The following CPN1 variants were observed in gnomAD, a reference collection of about 807,000 sequenced individuals.
CPN1 encodes the protein carboxypeptidase N catalytic chain.
Under a neutral mutation model 46.4 loss-of-function variants are expected in CPN1, and 37 were observed. The ratio of observed to expected loss-of-function variants is 0.80; its 90% CI spans 0.61 to 1.05. CPN1 has a LOEUF of 1.05. Among genes scored for constraint, CPN1 ranks in the 50% least tolerant of loss-of-function variants. CPN1 has a pLI of 0.00. For missense variants in CPN1, 563 were observed against 602.6 expected (o/e 0.93, Z 0.69); for synonymous variants, 224 against 235.4 (o/e 0.95, Z 0.44).
At chr10:100,042,668 T>C (rs2041282962) in intron 8 of CPN1, 95 bp from the exon 9 acceptor site, 10 of 1,497,994 alleles carry the variant, frequency 6.7e-6, no homozygotes, top group African/African-American at 4.1e-5. Context: ...AAAATTATTA[T>C]AGCAGTGACC....
intron 5 of CPN1, 58 bp downstream of exon 5, chr10:100,063,556 G>C (rs976411137): frequency 1.6e-6 from 2 of 1,280,730 alleles, no homozygotes; most frequent in African/African-American, 2.9e-5. Context: ...TGGGAATTTA[G>C]AAGGAGAAAT....
chr10:100,078,880 C>A (rs760575919), intron 1 of CPN1, among the ~76,000 whole-genome samples: 4 of 152,228 alleles, frequency 2.6e-5, no homozygotes, highest in Non-Finnish European at 5.9e-5. Context: ...GTGTCCCCAT[C>A]ACATGGCTGT....
chr10:100,080,473 C>T (rs1296872084), intron 1 of CPN1, among the ~76,000 whole-genome samples: 1 of 152,150 alleles, frequency 6.6e-6, no homozygotes, highest in Admixed American at 6.5e-5. Context: ...AGAAAAAAGT[C>T]TGGAAGGATA....
chr10:100,054,462 T>C lies in CPN1; in HGVS notation c.1012-16A>G, dbSNP rs1394660096. On this transcript the variant is annotated splice_polypyrimidine_tract_variant and intron_variant, in intron 6 of 8. Transcript: ENST00000370418. ...CCTGGTGAACCTGCAGGAACAAGTA[T>C]ATAGTTATGATCATAAAACATTTGT... The C allele has an allele frequency of 6.3e-7, 1 of 1,585,860 alleles. No homozygotes were observed. The highest frequency in any genetic ancestry group is 1.7e-5 in the Admixed American group (1 of 59,984).
chr10:100,042,689 C>G, intron 8 of CPN1, 116 bp from the exon 9 acceptor site: 1 of 1,305,294 alleles, frequency 7.7e-7, no homozygotes, highest in Non-Finnish European at 1.1e-6. Context: ...CAGAGAAGCA[C>G]TGGTGGTGTC....
At chr10:100,056,514 A>G (rs548740658) in intron 6 of CPN1, among the ~76,000 whole-genome samples, 1 of 152,266 alleles carries the variant, frequency 6.6e-6, no homozygotes, top group Admixed American at 6.5e-5. Context: ...TTCATAATTC[A>G]CAGCATATAG....
In CPN1 at chr10:100,057,125, G is replaced by A; in HGVS notation, c.899C>T (p.Thr300Ile). 1.2e-6 allele frequency: 2 copies of A among 1,614,138 alleles called. No homozygotes were observed. The highest frequency in any genetic ancestry group is 8.5e-7 in the Non-Finnish European group (1 of 1,180,022). Residue 300 changes from threonine (T) to isoleucine (I), a missense_variant, in exon 6 of 9, where the codon ACC (threonine) becomes ATC (isoleucine). Transcript: ENST00000370418. ...KGMQDFNYLH[T>I]NCFEITLELS... is the part of the protein sequence containing the mutation. ...TTCCAGCGTGATCTCAAAGCAGTTG[G>A]TATGGAGATAATTAAAGTCTTGCAT...
chr10:100,081,813 C>A lies in CPN1; in HGVS notation c.-188G>T, dbSNP rs1408883628. 2 of 635,198 alleles carry A rather than the reference C, an allele frequency of 3.1e-6. No homozygotes were observed. The highest frequency in any genetic ancestry group is 1.8e-5 in the African/African-American group (1 of 55,542). 39.3% of individuals were successfully genotyped at this position (635,198 alleles called of 1,614,324 possible). A position where few individuals can be genotyped will look rare whatever the true frequency, so the allele number is the denominator to read the frequency against. Reference sequence around the variant, plus strand: ...TTTATGTCGTTCTGGAATAGCCACTCATCTCTCCTCCCTCACTCCCTTTCT... The same window carrying A: ...TTTATGTCGTTCTGGAATAGCCACTAATCTCTCCTCCCTCACTCCCTTTCT... On this transcript the variant is annotated 5_prime_UTR_variant, in exon 1 of 9. It removes an upstream start codon present in the reference 5' UTR. Coordinates refer to ENST00000370418, the MANE Select transcript of CPN1 (RefSeq NM_001308.3).
At chr10:100,044,928 C>T (rs754622135) in intron 8 of CPN1, among the ~76,000 whole-genome samples, 2 of 152,188 alleles carry the variant, frequency 1.3e-5, no homozygotes, top group Non-Finnish European at 2.9e-5. Context: ...CCAGGCTGGT[C>T]TCGAATTCCT....
At chr10:100,078,279 T>G (rs999764629) in intron 1 of CPN1, among the ~76,000 whole-genome samples, 2 of 152,294 alleles carry the variant, frequency 1.3e-5, no homozygotes, top group African/African-American at 4.8e-5. Flanking sequence ...GGTCTGAAAC[T>G]TTTGGCCTCA....
At chr10:100,064,757 T>G (rs1298130949) in intron 4 of CPN1, among the ~76,000 whole-genome samples, 1 of 151,884 alleles carries the variant, frequency 6.6e-6, no homozygotes, top group African/African-American at 2.4e-5. Context: ...TTTTGAACTG[T>G]TATTTAAACC....
At chr10:100,054,493 T>G (rs1450450603) in intron 6 of CPN1, 47 bp from the exon 7 acceptor site, 1 of 1,478,244 alleles carries the variant, frequency 6.8e-7, no homozygotes, top group Non-Finnish European at 9.5e-7. Context: ...TTTGTACCAT[T>G]TGTACAGTGT....
Position 100,042,286 on chromosome 10 carries a change from G to A in CPN1, c.*141C>T. 6 of 1,189,044 alleles carry A rather than the reference G, an allele frequency of 5.0e-6. No homozygotes were observed. The South Asian group carries it at 7.5e-5, about 15-fold the overall frequency. The allele number at this position is 1,189,044 out of a possible 1,614,324, so 73.7% of individuals were successfully genotyped here. On this transcript the variant is annotated 3_prime_UTR_variant, in exon 9 of 9. Coordinates refer to ENST00000370418, the MANE Select transcript of CPN1 (RefSeq NM_001308.3). ...GATGACCTAGAGATGGCTTACCCCTGGAACAGATGGAGACCATTCTGAATT... is the reference window on the plus strand; with the variant it reads ...GATGACCTAGAGATGGCTTACCCCTAGAACAGATGGAGACCATTCTGAATT...
At chr10:100,045,515 T>G (rs1287820098) in intron 8 of CPN1, among the ~76,000 whole-genome samples, 1 of 152,196 alleles carries the variant, frequency 6.6e-6, no homozygotes, top group African/African-American at 2.4e-5. Flanking sequence ...CTCAAAGGAC[T>G]TAAAGCATAG....
At chr10:100,057,960 C>T (rs933478175) in intron 5 of CPN1, among the ~76,000 whole-genome samples, 1 of 152,156 alleles carries the variant, frequency 6.6e-6, no homozygotes, top group Admixed American at 6.6e-5. Flanking sequence ...TCCTCCCAAA[C>T]ATTTATCATT....
chr10:100,068,397 T>C (rs544715767), intron 3 of CPN1, among the ~76,000 whole-genome samples: 51 of 151,942 alleles, frequency 3.4e-4, no homozygotes, highest in African/African-American at 1.2e-3. Flanking sequence ...GTATTTTTAG[T>C]AGAGATGGGG....
At chr10:100,043,516 T>G (rs566764956) in intron 8 of CPN1, among the ~76,000 whole-genome samples, 1 of 152,344 alleles carries the variant, frequency 6.6e-6, no homozygotes, top group East Asian at 1.9e-4. Context: ...ATCTTCTTTA[T>G]GCTGCCTGGG....
Position 100,042,485 on chromosome 10 carries a change from T to C in CPN1, c.1319A>G (p.Gln440Arg), listed in dbSNP as rs1372005338. The C allele has an allele frequency of 1.2e-6, 2 of 1,614,012 alleles. No homozygotes were observed. The highest frequency in any genetic ancestry group is 3.3e-5 in the Admixed American group (2 of 59,992). The change falls in exon 9 of 9, where the codon CAG (glutamine) becomes CGG (arginine). Residue 440 changes from glutamine to arginine, a missense_variant. By Grantham distance (43) the Gln-to-Arg change is conservative (BLOSUM62 1). Coordinates refer to ENST00000370418, the MANE Select transcript of CPN1 (RefSeq NM_001308.3). ...CATTTCTTTCTTTCTGGCTTGGGGCTGCACTTTGGCTCTGACTCCGTGCCT... is the reference window on the plus strand; with the variant it reads ...CATTTCTTTCTTTCTGGCTTGGGGCCGCACTTTGGCTCTGACTCCGTGCCT... ...SRRHGVRAKV[Q>R]PQARKKEMEM...
intron 6 of CPN1, among the ~76,000 whole-genome samples, chr10:100,055,153 G>A (rs117150338): frequency 0.052 from 7,854 of 151,692 alleles, 229 homozygotes; most frequent in Admixed American, 0.061. Context: ...CAGGAGAATC[G>A]CTTAAACTGA....
Sources: gnomAD v4.1 joint callset for allele counts (sites outside exome capture counted in the v4.1 genomes callset) on GRCh38, gnomAD v4.1.1 for gene constraint, MANE v1.5 for transcripts, NCBI Gene and HGNC (gene_info 2026-07-23, HGNC 2026-07-21) for gene names.